The following TAS2R1 variants were observed in gnomAD, a reference collection of about 807,000 sequenced individuals.
The protein encoded by TAS2R1 is taste 2 receptor member 1, also known as taste receptor type 2 member 1.
For missense variants in TAS2R1, 370 were observed against 353.4 expected (o/e 1.05, Z -0.38); for synonymous variants, 141 against 134.2 (o/e 1.05, Z -0.35).
intron 2 of TAS2R1, among the ~76,000 whole-genome samples, chr5:9,638,781 G>T (rs1417128348): frequency 1.3e-5 from 2 of 152,172 alleles, no homozygotes; most frequent in Non-Finnish European, 2.9e-5. Flanking sequence ...GACTCTCCTT[G>T]AGTGGGGCTT....
the TAS2R1 span, among the ~76,000 whole-genome samples, chr5:9,802,269 C>G: frequency 6.6e-6 from 1 of 152,116 alleles, no homozygotes; most frequent in East Asian, 1.9e-4. Flanking sequence ...CAGATGTTCC[C>G]CAGTACCAGC....
intron 2 of TAS2R1, among the ~76,000 whole-genome samples, chr5:9,650,093 T>G (rs1740270156): frequency 6.6e-6 from 1 of 152,058 alleles, no homozygotes; most frequent in South Asian, 2.1e-4. Flanking sequence ...TAAAAGACAT[T>G]TAGTGATTTC....
In TAS2R1 at chr5:9,660,329, G is replaced by A. The variant is rs188279314; in HGVS notation, c.-241-748C>T. On this transcript the variant is annotated intron_variant, in intron 1 of 2. Coordinates refer to the TAS2R1 transcript ENST00000506620. ...CTGACCTCATGATCCACCCGCCTCG[G>A]CCTCCCAAAGTGCTGGGATTACAGG... 8.1e-3 allele frequency among the ~76,000 whole-genome samples: 1,202 copies of A among 149,280 alleles called. 13 individuals carry two copies. The highest frequency in any genetic ancestry group is 0.027 in the African/African-American group (1,099 of 40,336).
At chr5:9,843,426 A>G in the TAS2R1 span, among the ~76,000 whole-genome samples, 1 of 152,044 alleles carries the variant, frequency 6.6e-6, no homozygotes, top group African/African-American at 2.4e-5. Flanking sequence ...TTCACTTCTT[A>G]CCTACAGTAT....
the TAS2R1 span, among the ~76,000 whole-genome samples, chr5:9,736,973 T>C: frequency 1.3e-5 from 2 of 152,206 alleles, no homozygotes; most frequent in Admixed American, 6.5e-5. Context: ...TTTGGCACTT[T>C]ATTTAACTCT....
At chr5:9,877,491 T>C in the TAS2R1 span, among the ~76,000 whole-genome samples, 1 of 152,258 alleles carries the variant, frequency 6.6e-6, no homozygotes, top group Non-Finnish European at 1.5e-5. Flanking sequence ...ACTTTTTGAA[T>C]AGCAAGTCAC....
the TAS2R1 span, among the ~76,000 whole-genome samples, chr5:9,718,630 A>G: frequency 2.0e-5 from 3 of 152,128 alleles, no homozygotes; most frequent in African/African-American, 7.2e-5. Context: ...CTACAAAACA[A>G]AACAAAACAA....
At chr5:9,744,388 AAGATGGGAATGGAAAAAT>A in the TAS2R1 span, among the ~76,000 whole-genome samples, 1 of 152,210 alleles carries the variant, frequency 6.6e-6, no homozygotes, top group East Asian at 1.9e-4. Context: ...TATGGAAAAT[AAGATGGGAATGGAAAAAT>A]ATTGGATAAA....
At chr5:9,863,837 A>C in the TAS2R1 span, among the ~76,000 whole-genome samples, 10 of 152,212 alleles carry the variant, frequency 6.6e-5, no homozygotes, top group Admixed American at 2.6e-4. Context: ...CCTCCCCTTC[A>C]AAAGTTCTGG....
At chr5:9,890,560 C>T in the TAS2R1 span, among the ~76,000 whole-genome samples, 2 of 152,302 alleles carry the variant, frequency 1.3e-5, no homozygotes, top group South Asian at 4.1e-4. Context: ...GACTATTACA[C>T]AGTATCCTTA....
chr5:9,893,517 AATTGGGCT>A, the TAS2R1 span, among the ~76,000 whole-genome samples: 1 of 152,104 alleles, frequency 6.6e-6, no homozygotes, highest in Non-Finnish European at 1.5e-5. Flanking sequence ...TGTGTTTTCT[AATTGGGCT>A]GGTCAAACGG....
the TAS2R1 span, among the ~76,000 whole-genome samples, chr5:9,888,198 T>G: frequency 6.6e-6 from 1 of 152,088 alleles, no homozygotes; most frequent in African/African-American, 2.4e-5. Flanking sequence ...CAGGAGTAGC[T>G]TTGTCAAGAG....
chr5:9,789,584 G>A, the TAS2R1 span, among the ~76,000 whole-genome samples: 1 of 152,188 alleles, frequency 6.6e-6, no homozygotes, highest in Non-Finnish European at 1.5e-5. Context: ...TGTGAATTAA[G>A]GTATAGCAGG....
chr5:9,784,396 C>T, the TAS2R1 span, among the ~76,000 whole-genome samples: 6 of 152,188 alleles, frequency 3.9e-5, no homozygotes, highest in Non-Finnish European at 8.8e-5. Flanking sequence ...TTCTCAAGTA[C>T]CTGCTCATGT....
At chr5:9,674,303 T>C (rs566346986) in intron 1 of TAS2R1, among the ~76,000 whole-genome samples, 1 of 152,164 alleles carries the variant, frequency 6.6e-6, no homozygotes. Context: ...CTTAAAAAGA[T>C]ATGCAGGATA....
chr5:9,686,221 A>C (rs1332918539), intron 1 of TAS2R1, among the ~76,000 whole-genome samples: 1 of 152,178 alleles, frequency 6.6e-6, no homozygotes, highest in Non-Finnish European at 1.5e-5. Context: ...ATCTTCATTT[A>C]TTATTAATCT....
chr5:9,821,824 A>T, the TAS2R1 span, among the ~76,000 whole-genome samples: 5 of 152,300 alleles, frequency 3.3e-5, no homozygotes, highest in Non-Finnish European at 7.4e-5. Context: ...CAACACTTTC[A>T]CTTTGGCTCT....
At chr5:9,698,817 G>A (rs533748107) in intron 1 of TAS2R1, among the ~76,000 whole-genome samples, 50 of 152,264 alleles carry the variant, frequency 3.3e-4, no homozygotes, top group African/African-American at 1.1e-3. Context: ...GAAACTTCAC[G>A]AAAGAATATT....
chr5:9,840,620 G>C, the TAS2R1 span, among the ~76,000 whole-genome samples: 273 of 151,750 alleles, frequency 1.8e-3, no homozygotes, highest in African/African-American at 6.2e-3. Flanking sequence ...AGATCCCAAG[G>C]CTTTATCATT....
Sources: gnomAD v4.1 joint callset for allele counts (sites outside exome capture counted in the v4.1 genomes callset) on GRCh38, gnomAD v4.1.1 for gene constraint, MANE v1.5 for transcripts, NCBI Gene and HGNC (gene_info 2026-07-23, HGNC 2026-07-21) for gene names.